PAMR1: variants seen among roughly 807,000 people sequenced by gnomAD.
PAMR1 encodes the protein inactive serine protease PAMR1.
In PAMR1, 88 loss-of-function variants were observed where a neutral mutation model predicts 81.8. The ratio of observed to expected loss-of-function variants is 1.08; its 90% confidence interval spans 0.91 to 1.28. The LOEUF is 1.28. PAMR1 is among the 50% of genes most tolerant of loss of function. The pLI is 0.00. For missense variants in PAMR1, 935 were observed against 919.7 expected (o/e 1.02, Z -0.21); for synonymous variants, 336 against 345.3 (o/e 0.97, Z 0.30).
In PAMR1 at chr11:35,525,576, C is replaced by T. The variant is rs1421786914; in HGVS notation, c.10G>A (p.Gly4Ser). 6.2e-7 allele frequency: 1 copy of T among 1,613,756 alleles called. No homozygotes were observed. The highest frequency in any genetic ancestry group is 2.2e-5 in the East Asian group (1 of 44,860). Residue 4 changes from glycine to serine, a missense_variant, in exon 1 of 11, where the codon GGT (glycine) becomes AGT (serine). By Grantham distance (56) the Gly-to-Ser change is moderately conservative (BLOSUM62 0). Coordinates refer to ENST00000619888, the MANE Select transcript of PAMR1 (RefSeq NM_001001991.3). ...GTGAGCCCCAACTGCGTCCAGCAACCCAGCTCCATCCTTGCCGCGGCTGGT... is the reference window on the plus strand; with the variant it reads ...GTGAGCCCCAACTGCGTCCAGCAACTCAGCTCCATCCTTGCCGCGGCTGGT... The part of the protein sequence containing the change: MEL[G>S]CWTQLGLTFL...
At chr11:35,495,997 T>C (rs1850721830) in intron 1 of PAMR1, among the ~76,000 whole-genome samples, 1 of 152,238 alleles carries the variant, frequency 6.6e-6, no homozygotes, top group Non-Finnish European at 1.5e-5. Flanking sequence ...TACATCATCA[T>C]AGCATAATCG....
intron 3 of PAMR1, 74 bp downstream of exon 3, chr11:35,491,971 A>C (rs1256074821): frequency 4.1e-5 from 54 of 1,321,356 alleles, no homozygotes; most frequent in Non-Finnish European, 5.3e-5. Context: ...CAAGGAGATA[A>C]ATTTTGGTCC....
intron 6 of PAMR1, among the ~76,000 whole-genome samples, chr11:35,466,174 A>G (rs1856753025): frequency 6.6e-6 from 1 of 152,094 alleles, no homozygotes; most frequent in African/African-American, 2.4e-5. Context: ...TGCTATTGTC[A>G]AGAATCTAGA....
chr11:35,477,321 C>T lies in PAMR1; in HGVS notation c.380-2577G>A, dbSNP rs564974476. On this transcript the variant is annotated intron_variant, in intron 3 of 10. Coordinates refer to ENST00000619888, the MANE Select transcript of PAMR1 (RefSeq NM_001001991.3). The stretch of plus-strand genomic sequence containing the variant: ...GTTGATATTATCATTTGTATTTTCT[C>T]ATTTAGTCTTCATAAAAAAACACAG... Among the ~76,000 whole-genome samples, 8 of 152,292 alleles carry T rather than the reference C, an allele frequency of 5.3e-5. No homozygotes were observed. In the South Asian group the frequency reaches 1.2e-3, roughly 24 times the overall value.
chr11:35,488,155 C>T (rs1195156875), intron 3 of PAMR1, among the ~76,000 whole-genome samples: 1 of 148,898 alleles, frequency 6.7e-6, no homozygotes, highest in African/African-American at 2.5e-5. Context: ...CCTACTGACA[C>T]TTTACTCACA....
intron 6 of PAMR1, among the ~76,000 whole-genome samples, chr11:35,454,953 T>C (rs1299415986): frequency 1.3e-5 from 2 of 152,228 alleles, no homozygotes; most frequent in African/African-American, 4.8e-5. Flanking sequence ...CATGAGATGA[T>C]TCCCTCTGAT....
chr11:35,495,208 C>T (rs528864127), intron 1 of PAMR1, among the ~76,000 whole-genome samples: 5 of 152,200 alleles, frequency 3.3e-5, no homozygotes, highest in African/African-American at 7.2e-5. Context: ...ACCTTCAAAG[C>T]GAAAACCAAT....
In PAMR1 at chr11:35,470,622, C is replaced by T. The variant is rs1184677902; in HGVS notation, c.691G>A (p.Ala231Thr). 2 of 1,614,048 alleles carry T rather than the reference C, an allele frequency of 1.2e-6. No homozygotes were observed. The highest frequency in any genetic ancestry group is 3.3e-5 in the Admixed American group (2 of 60,010). Residue 231 changes from alanine to threonine, a missense_variant, in exon 5 of 11, where the codon GCC (alanine) becomes ACC (threonine). By Grantham distance (58) the Ala-to-Thr change is moderately conservative (BLOSUM62 0). Coordinates refer to ENST00000619888, the MANE Select transcript of PAMR1 (RefSeq NM_001001991.3). ...TTACCTGTGATCTCCTCATAAATGG[C>T]ATGGAAACCGTCAAAATTCTTGGAG... ...DGSKNFDGFHAIYEEITACSS... is the reference protein window; with the variant it reads ...DGSKNFDGFHTIYEEITACSS...
In PAMR1 at chr11:35,492,573, G is replaced by A. The variant is rs536191288; in HGVS notation, c.251-400C>T. ...CTAAAACCCCATCACCCAGGCTATT[G>A]CTAACAGTCTTTCTCTGCCTATATA... On this transcript the variant is annotated intron_variant, in intron 2 of 10. Transcript: ENST00000619888. 3.3e-5 allele frequency among the ~76,000 whole-genome samples: 5 copies of A among 152,308 alleles called. No homozygotes were observed. In the East Asian group the frequency reaches 9.6e-4, roughly 29 times the overall value.
intron 6 of PAMR1, among the ~76,000 whole-genome samples, chr11:35,452,245 T>C (rs1158243727): frequency 1.3e-5 from 2 of 152,070 alleles, no homozygotes; most frequent in Non-Finnish European, 2.9e-5. Context: ...ATAAGTTTAA[T>C]AGCAAATCAG....
intron 8 of PAMR1, among the ~76,000 whole-genome samples, chr11:35,438,386 A>G (rs755603990): frequency 1.3e-5 from 2 of 152,250 alleles, no homozygotes; most frequent in Non-Finnish European, 2.9e-5. Context: ...CATGCAATAA[A>G]TGTTAGCTAT....
intron 1 of PAMR1, among the ~76,000 whole-genome samples, chr11:35,506,685 G>C (rs1400940257): frequency 6.6e-6 from 1 of 151,502 alleles, no homozygotes; most frequent in Non-Finnish European, 1.5e-5. Context: ...ACAAATTGGA[G>C]CTTCTTTTGT....
chr11:35,530,212 G>A (rs1356440449), upstream of PAMR1: 1 of 152,278 alleles, frequency 6.6e-6, no homozygotes, highest in African/African-American at 2.4e-5. Context: ...CAGAGATGGA[G>A]AAGGGCAGGA....
chr11:35,459,767 G>A (rs1366682016), intron 6 of PAMR1, among the ~76,000 whole-genome samples: 1 of 152,150 alleles, frequency 6.6e-6, no homozygotes, highest in Non-Finnish European at 1.5e-5. Context: ...TGCATGGCAT[G>A]TAACATTCTT....
intron 1 of PAMR1, among the ~76,000 whole-genome samples, chr11:35,517,409 C>T (rs1851185175): frequency 6.6e-6 from 1 of 152,196 alleles, no homozygotes; most frequent in Non-Finnish European, 1.5e-5. Context: ...TCCCTTCCTA[C>T]CCTTTCCTCT....
intron 1 of PAMR1, among the ~76,000 whole-genome samples, chr11:35,520,240 T>C (rs1230398266): frequency 6.6e-6 from 1 of 152,160 alleles, no homozygotes; most frequent in Non-Finnish European, 1.5e-5. Flanking sequence ...TCAACCCACG[T>C]GGGCCCTGAG....
At chr11:35,455,900 A>G (rs1856518697) in intron 6 of PAMR1, among the ~76,000 whole-genome samples, 1 of 138,380 alleles carries the variant, frequency 7.2e-6, no homozygotes, top group Non-Finnish European at 1.6e-5. Flanking sequence ...TAAACACTTA[A>G]CAGAAAAAAA....
Position 35,494,237 on chromosome 11 carries a change from C to G in PAMR1, c.109G>C (p.Glu37Gln), listed in dbSNP as rs2135401931. Residue 37 changes from glutamate to glutamine, a missense_variant, in exon 2 of 11, where the codon GAG becomes CAG. Glu to Gln is a conservative substitution (Grantham distance 29). Coordinates refer to ENST00000619888, the MANE Select transcript of PAMR1 (RefSeq NM_001001991.3). Reference sequence around the variant, plus strand: ...CACTCCCGACACATGATATTCCACTCTGCTCCAGGGCAGGCTTCATTAATG... The same window carrying G: ...CACTCCCGACACATGATATTCCACTGTGCTCCAGGGCAGGCTTCATTAATG... ...TVINEACPGA[E>Q]WNIMCRECCE... 1 of 1,614,216 alleles carries G rather than the reference C, an allele frequency of 6.2e-7. No homozygotes were observed. The highest frequency in any genetic ancestry group is 8.5e-7 in the Non-Finnish European group (1 of 1,180,028).
In PAMR1 at chr11:35,495,906, A is replaced by AAAG. The variant is rs1850719719; in HGVS notation, c.74-1635_74-1634insCTT. Among the ~76,000 whole-genome samples, 10 of 152,354 alleles carry AAAG rather than the reference A, an allele frequency of 6.6e-5. No homozygotes were observed. In the South Asian group the frequency reaches 2.1e-3, roughly 32 times the overall value. The stretch of plus-strand genomic sequence containing the variant: ...TAAATGGAATAAATTTAGTTTCATG[A>AAAG]AAATTTGACTTTTTAAATCATTTTT... On this transcript the variant is annotated intron_variant, in intron 1 of 10. Coordinates refer to ENST00000619888, the MANE Select transcript of PAMR1 (RefSeq NM_001001991.3).
Sources: allele counts gnomAD v4.1 joint callset (sites outside exome capture counted in the v4.1 genomes callset), GRCh38; gene constraint gnomAD v4.1.1; transcripts MANE v1.5; gene names NCBI Gene and HGNC (gene_info 2026-07-23, HGNC 2026-07-21).